The following MYO1A variants were observed in gnomAD, a reference collection of about 807,000 sequenced individuals.
MYO1A encodes the protein myosin IA, also known as unconventional myosin-Ia.
In MYO1A, 127 loss-of-function variants were observed where a neutral mutation model predicts 138.5. That is an observed-to-expected ratio of 0.92 (90% CI 0.79 to 1.06). The LOEUF is 1.06. Among genes scored for constraint, MYO1A ranks in the 50% least tolerant of loss-of-function variants. The pLI, the probability that MYO1A is intolerant of heterozygous loss-of-function variation, is 0.00. For synonymous variants in MYO1A, 477 were observed against 497.5 expected (o/e 0.96, Z 0.55); for missense variants, 1,211 against 1,288.8 (o/e 0.94, Z 0.92).
chr12:57,050,511 C>T (rs1460101683), upstream of MYO1A, among the ~76,000 whole-genome samples: 1 of 152,174 alleles, frequency 6.6e-6, no homozygotes, highest in Non-Finnish European at 1.5e-5. Flanking sequence ...CATGGCGAGA[C>T]ACGTCTTTAC....
Position 57,029,891 on chromosome 12 carries a change from T to C in MYO1A, c.2592-19A>G. 1 of 1,613,762 alleles carries C rather than the reference T, an allele frequency of 6.2e-7. No homozygotes were observed. On this transcript the variant is annotated intron_variant, in intron 24 of 27. Coordinates refer to ENST00000300119, the MANE Select transcript of MYO1A (RefSeq NM_005379.4). ...GGGGACACTGAGAACACATGGGAGG[T>C]GTGCAGCGCGACAAGGCCCAGAGGC...
chr12:57,043,807 T>C (rs745712542), intron 10 of MYO1A, 49 bp downstream of exon 10: 4 of 1,612,904 alleles, frequency 2.5e-6, no homozygotes, highest in East Asian at 2.2e-5. Flanking sequence ...CGACTTGTAG[T>C]AGGAAATTCA....
intron 14 of MYO1A, 67 bp from the exon 15 acceptor site, chr12:57,039,341 T>G (rs1424837168): frequency 1.6e-6 from 2 of 1,231,528 alleles, no homozygotes; most frequent in Non-Finnish European, 2.4e-6. Flanking sequence ...CCTCACCAGA[T>G]CTAGCCTTTC....
At position 57,038,415 on chromosome 12, in the gene MYO1A, A is replaced by ATACATCAGG; in HGVS notation, c.1756_1757insCCTGATGTA (p.Tyr585_Ile586insThrTer). ...CCCCTGCATGCCAGCATGTCACCTG[A>ATACATCAGG]TGTAGTTGGGGCTCTTGGAATACAG... On this transcript the variant is annotated stop_gained, in exon 17 of 28. Transcript: ENST00000300119. LOFTEE classifies it high-confidence loss of function. The ATACATCAGG allele has an allele frequency of 6.2e-7, 1 of 1,614,078 alleles. No homozygotes were observed. Among genetic ancestry groups the ATACATCAGG allele is most frequent in the Non-Finnish European group, 8.5e-7 (1 of 1,179,974 alleles).
In MYO1A at chr12:57,047,733, G is replaced by C. The variant is rs751441446; in HGVS notation, c.231-12C>G. 5 of 1,614,000 alleles carry C rather than the reference G, an allele frequency of 3.1e-6. No individual in the cohort carries two copies. The South Asian group carries it at 4.4e-5, about 14-fold the overall frequency. On this transcript the variant is annotated splice_polypyrimidine_tract_variant and intron_variant, in intron 3 of 27. Transcript: ENST00000300119. Reference sequence around the variant, plus strand: ...TTGCCAATGCGTAGCTTGTGGGGAGGAAGTGGGCAATGACTATTGTGAAAC... The same window carrying C: ...TTGCCAATGCGTAGCTTGTGGGGAGCAAGTGGGCAATGACTATTGTGAAAC...
intron 12 of MYO1A, among the ~76,000 whole-genome samples, chr12:57,042,500 C>A (rs925469658): frequency 6.6e-6 from 1 of 152,112 alleles, no homozygotes; most frequent in Admixed American, 6.6e-5. Context: ...TGGGTATATA[C>A]CTAGGAGTGG....
chr12:57,038,996 A>T lies in MYO1A; in HGVS notation c.1346T>A (p.Ile449Asn). The T allele has an allele frequency of 6.2e-7, 1 of 1,613,784 alleles. No homozygotes were observed. Among genetic ancestry groups the T allele is most frequent in the Admixed American group, 1.7e-5 (1 of 59,986 alleles). ...GCACTCCTCATCCAACATGGCCAGG[A>T]TACCTCGCTGATTCTGGGCCGGGGG... ...CKLIEHNQRG[I>N]LAMLDEECLR... Residue 449 changes from isoleucine (I) to asparagine (N), a missense_variant, in exon 16 of 28, where the codon ATC becomes AAC. Coordinates refer to ENST00000300119, the MANE Select transcript of MYO1A (RefSeq NM_005379.4).
upstream of MYO1A, chr12:57,050,862 T>C (rs1409771522): frequency 1.3e-5 from 2 of 152,182 alleles, no homozygotes; most frequent in African/African-American, 4.8e-5. Flanking sequence ...GGTTACACAA[T>C]GTGCCCACAG....
chr12:57,045,276 A>G (rs1360104073), intron 8 of MYO1A, among the ~76,000 whole-genome samples: 1 of 152,090 alleles, frequency 6.6e-6, no homozygotes, highest in African/African-American at 2.4e-5. Context: ...GATTCGGTTA[A>G]TCATGGAGTT....
At position 57,043,863 on chromosome 12, in the gene MYO1A, A is replaced by G. The variant is rs368173927; in HGVS notation, c.885T>C (p.Asp295=). The part of the protein sequence containing the change: ...ASGIPASGIR[D]GRGVREIGEM... ...GCAGGCTGGGATGCAGACCTCTCCC[A>G]TCACGGATGCCACTTGCTGGTATCC... Residue 295 remains aspartate (D), a synonymous_variant, in exon 10 of 28, where the codon GAT becomes GAC. Transcript: ENST00000300119. 3.7e-6 allele frequency: 6 copies of G among 1,614,104 alleles called. No homozygotes were observed. Among genetic ancestry groups the G allele is most frequent in the Non-Finnish European group, 5.1e-6 (6 of 1,179,998 alleles).
At position 57,043,886 on chromosome 12, in the gene MYO1A, T is replaced by A; in HGVS notation, c.862A>T (p.Ile288Leu). 6.2e-7 allele frequency: 1 copy of A among 1,614,050 alleles called. No homozygotes were observed. The highest frequency in any genetic ancestry group is 8.5e-7 in the Non-Finnish European group (1 of 1,179,980). The change falls in exon 10 of 28, where the codon ATA (isoleucine) becomes TTA (leucine). Residue 288 changes from isoleucine to leucine, a missense_variant. Physicochemically the swap from Ile to Leu is conservative, Grantham distance 5. Transcript: ENST00000300119. ...LVADEFQASG[I>L]PASGIRDGRG... ...CCATCACGGATGCCACTTGCTGGTATCCCACTGGCCTGGAACTCATCAGCC... is the reference window on the plus strand; with the variant it reads ...CCATCACGGATGCCACTTGCTGGTAACCCACTGGCCTGGAACTCATCAGCC...
At position 57,043,085 on chromosome 12, in the gene MYO1A, T is replaced by C; in HGVS notation, c.1085A>G (p.Asn362Ser). The C allele has an allele frequency of 6.2e-7, 1 of 1,614,180 alleles. No individual in the cohort carries two copies. The highest frequency in any genetic ancestry group is 8.5e-7 in the Non-Finnish European group (1 of 1,180,032). Residue 362 changes from asparagine to serine, a missense_variant, in exon 12 of 28, where the codon AAT becomes AGT. Transcript: ENST00000300119. ...RLFDWIVNRI[N>S]ESIKVGIGEK... is the part of the protein sequence containing the mutation. ...GCGGCCACTTGCCTTGATGCTCTCA[T>C]TGATTCGATTCACTATCCAGTCAAA...
rs777575982 is a variant in MYO1A, at chr12:57,028,784, TC to T, written c.3102del (p.Ser1035ValfsTer6). ...DNSKLRYKKK[G>X]SHCLEVTVQ ...TGCACAGTCACCTCCAAGCAATGAC[TC>T]CCCTTTTTTTTGTAGCGTAGCTTGC... On this transcript the variant is annotated frameshift_variant, in exon 28 of 28. Transcript: ENST00000300119. LOFTEE classifies it high-confidence loss of function. 6.2e-7 allele frequency: 1 copy of T among 1,613,748 alleles called. No homozygotes were observed. Among genetic ancestry groups the T allele is most frequent in the Non-Finnish European group, 8.5e-7 (1 of 1,179,906 alleles).
intron 14 of MYO1A, among the ~76,000 whole-genome samples, chr12:57,039,620 T>C (rs973919358): frequency 4.6e-5 from 7 of 152,234 alleles, no homozygotes; most frequent in African/African-American, 1.7e-4. Context: ...TCCATGCGTA[T>C]GTGCAACAGC....
intron 12 of MYO1A, among the ~76,000 whole-genome samples, chr12:57,042,183 C>A (rs2030889047): frequency 1.3e-5 from 2 of 152,180 alleles, no homozygotes. Flanking sequence ...GATCTACTTC[C>A]CATCTCTATG....
chr12:57,041,181 T>G lies in MYO1A; in HGVS notation c.1269+3A>C, dbSNP rs1565645324. ...AGGGGGAAGTAGAAAAGACTTGGTTTACTTCTCTCTTATATTCCTCTTGCT... is the reference window on the plus strand; with the variant it reads ...AGGGGGAAGTAGAAAAGACTTGGTTGACTTCTCTCTTATATTCCTCTTGCT... On this transcript the variant is annotated splice_donor_region_variant and intron_variant, in intron 14 of 27. Transcript: ENST00000300119. 1.2e-6 allele frequency: 2 copies of G among 1,608,706 alleles called. No homozygotes were observed. Among genetic ancestry groups the G allele is most frequent in the Non-Finnish European group, 1.7e-6 (2 of 1,176,860 alleles).
chr12:57,033,878 C>T (rs895344356), intron 22 of MYO1A, among the ~76,000 whole-genome samples: 43 of 152,348 alleles, frequency 2.8e-4, no homozygotes, highest in Non-Finnish European at 2.4e-4. Flanking sequence ...ATTGTAGCTT[C>T]CACTGCAGGT....
chr12:57,051,074 G>GC (rs1284401945), upstream of MYO1A: 1 of 152,228 alleles, frequency 6.6e-6, no homozygotes, highest in Admixed American at 6.6e-5. Context: ...AAAACAGCAA[G>GC]CCCCCTCTGC....
intron 22 of MYO1A, among the ~76,000 whole-genome samples, chr12:57,033,946 C>T (rs999126377): frequency 1.3e-5 from 2 of 152,198 alleles, no homozygotes; most frequent in African/African-American, 4.8e-5. Context: ...GACTGGAGTC[C>T]CCAGTCCCTA....
Sources: allele counts gnomAD v4.1 joint callset (sites outside exome capture counted in the v4.1 genomes callset), GRCh38; gene constraint gnomAD v4.1.1; transcripts MANE v1.5; gene names NCBI Gene and HGNC (gene_info 2026-07-23, HGNC 2026-07-21).